The following PLCXD3 variants were observed in gnomAD, a reference collection of about 807,000 sequenced individuals.
PLCXD3 encodes the protein PI-PLC X domain-containing protein 3.
In PLCXD3, 19 loss-of-function variants were observed where a neutral mutation model predicts 25.5. The observed-to-expected ratio is 0.75, with a 90% confidence interval of 0.52 to 1.09. The LOEUF (loss-of-function observed/expected upper bound fraction) is 1.09. Ranked by LOEUF, PLCXD3 falls within the 50% of genes least tolerant of loss-of-function variation. PLCXD3 has a pLI of 0.00. For missense variants in PLCXD3, 411 were observed against 388.1 expected, an observed-to-expected ratio of 1.06 and a Z score of -0.50; for synonymous variants, 174 against 137.6, an observed-to-expected ratio of 1.26 and a Z score of -1.85.
At chr5:41,381,353 G>A (rs1323319142) in intron 2 of PLCXD3, among the ~76,000 whole-genome samples, 1 of 152,108 alleles carries the variant, frequency 6.6e-6, no homozygotes, top group African/African-American at 2.4e-5. Context: ...TGCTACATGT[G>A]AGTGTGACAT....
chr5:41,424,219 T>TA (rs1746895560), intron 1 of PLCXD3, among the ~76,000 whole-genome samples: 1 of 152,160 alleles, frequency 6.6e-6, no homozygotes, highest in African/African-American at 2.4e-5. Flanking sequence ...TTACTTTATA[T>TA]ATTTTTCTTT....
chr5:41,479,022 C>T (rs975671267), intron 1 of PLCXD3, among the ~76,000 whole-genome samples: 3 of 152,060 alleles, frequency 2.0e-5, no homozygotes, highest in Non-Finnish European at 2.9e-5. Flanking sequence ...TCCCCTAACA[C>T]GTGGGGATTA....
At chr5:41,438,393 G>A (rs1479659395) in intron 1 of PLCXD3, among the ~76,000 whole-genome samples, 1 of 152,104 alleles carries the variant, frequency 6.6e-6, no homozygotes, top group East Asian at 1.9e-4. Flanking sequence ...CCGGACTGCT[G>A]GCCCTGGATG....
intron 2 of PLCXD3, among the ~76,000 whole-genome samples, chr5:41,334,790 C>T (rs1743933030): frequency 2.6e-5 from 4 of 152,060 alleles, no homozygotes; most frequent in Admixed American, 6.6e-5. Flanking sequence ...ATAAAATGCA[C>T]TCTGTCCTCA....
At chr5:41,493,191 G>GTCC (rs1466769905) in intron 1 of PLCXD3, among the ~76,000 whole-genome samples, 1 of 152,170 alleles carries the variant, frequency 6.6e-6, no homozygotes, top group Non-Finnish European at 1.5e-5. Flanking sequence ...TTTGCTGGAG[G>GTCC]TCCACTCCAG....
chr5:41,362,794 T>C (rs2150485661), intron 2 of PLCXD3, among the ~76,000 whole-genome samples: 1 of 152,326 alleles, frequency 6.6e-6, no homozygotes, highest in South Asian at 2.1e-4. Flanking sequence ...TGCTGCGTAG[T>C]CCAGGAAGAA....
chr5:41,500,479 T>C (rs1462440197), intron 1 of PLCXD3, among the ~76,000 whole-genome samples: 1 of 151,768 alleles, frequency 6.6e-6, no homozygotes, highest in Non-Finnish European at 1.5e-5. Context: ...ACAATGTATA[T>C]TATTTGAGTG....
At chr5:41,380,487 T>A (rs1745422651) in intron 2 of PLCXD3, among the ~76,000 whole-genome samples, 1 of 152,116 alleles carries the variant, frequency 6.6e-6, no homozygotes, top group Non-Finnish European at 1.5e-5. Context: ...CAAGTCATGC[T>A]ACTTTTAAAG....
chr5:41,492,849 T>A (rs1336098942), intron 1 of PLCXD3, among the ~76,000 whole-genome samples: 7 of 152,230 alleles, frequency 4.6e-5, no homozygotes, highest in Admixed American at 2.6e-4. Flanking sequence ...TTTCCAAAGT[T>A]TTCAACTTCT....
At chr5:41,447,556 G>A (rs1747533111) in intron 1 of PLCXD3, among the ~76,000 whole-genome samples, 1 of 152,166 alleles carries the variant, frequency 6.6e-6, no homozygotes, top group Non-Finnish European at 1.5e-5. Context: ...ACAGCATATT[G>A]GAATTCAGAT....
At chr5:41,360,948 G>A (rs1744753983) in intron 2 of PLCXD3, among the ~76,000 whole-genome samples, 1 of 152,182 alleles carries the variant, frequency 6.6e-6, no homozygotes, top group Admixed American at 6.5e-5. Flanking sequence ...CAGGCCATGG[G>A]AAGGGCTATA....
intron 2 of PLCXD3, among the ~76,000 whole-genome samples, chr5:41,345,302 G>C (rs1204740779): frequency 1.3e-5 from 2 of 152,210 alleles, no homozygotes; most frequent in African/African-American, 4.8e-5. Context: ...TTATTGGATA[G>C]ATGTGGAAAC....
chr5:41,332,507 T>G (rs950097076), intron 2 of PLCXD3, among the ~76,000 whole-genome samples: 2 of 152,166 alleles, frequency 1.3e-5, no homozygotes, highest in African/African-American at 4.8e-5. Flanking sequence ...GACTGTAAAC[T>G]AGTTCACCCC....
At chr5:41,453,161 A>G (rs904716389) in intron 1 of PLCXD3, among the ~76,000 whole-genome samples, 11 of 151,658 alleles carry the variant, frequency 7.3e-5, no homozygotes, top group African/African-American at 2.4e-4. Context: ...CCCCAATCCC[A>G]CCCAATCTCC....
chr5:41,475,507 C>T, intron 1 of PLCXD3: 1 of 462,944 alleles, frequency 2.2e-6, no homozygotes. Flanking sequence ...TCTTTCCCTA[C>T]CTATCTCTAT....
chr5:41,414,906 A>C (rs537952748), intron 1 of PLCXD3, among the ~76,000 whole-genome samples: 17 of 152,272 alleles, frequency 1.1e-4, no homozygotes, highest in African/African-American at 3.9e-4. Flanking sequence ...AATAACTCTT[A>C]TTTTATGCGA....
intron 1 of PLCXD3, chr5:41,456,520 A>G: frequency 1.1e-6 from 1 of 921,702 alleles, no homozygotes; most frequent in South Asian, 5.0e-5. Flanking sequence ...AAAAAAAGAA[A>G]AACAAGTTCT....
At chr5:41,467,760 G>T (rs1195403981) in intron 1 of PLCXD3, among the ~76,000 whole-genome samples, 1 of 152,046 alleles carries the variant, frequency 6.6e-6, no homozygotes, top group Admixed American at 6.5e-5. Context: ...GAGTCTAATT[G>T]TATTCTTCTA....
At chr5:41,371,842 C>T (rs1461430731) in intron 2 of PLCXD3, among the ~76,000 whole-genome samples, 1 of 152,170 alleles carries the variant, frequency 6.6e-6, no homozygotes, top group Non-Finnish European at 1.5e-5. Context: ...TGCAGGCCTC[C>T]TTCTCATGAC....
Sources: allele counts gnomAD v4.1 joint callset (sites outside exome capture counted in the v4.1 genomes callset), GRCh38; gene constraint gnomAD v4.1.1; transcripts MANE v1.5; gene names NCBI Gene and HGNC (gene_info 2026-07-23, HGNC 2026-07-21).